DYNC1LI2: variants seen among roughly 807,000 people sequenced by gnomAD.
DYNC1LI2 encodes cytoplasmic dynein 1 light intermediate chain 2.
In DYNC1LI2, 19 loss-of-function variants were observed where a neutral mutation model predicts 57.8. That is an observed-to-expected ratio of 0.33 (90% CI 0.23 to 0.48). The LOEUF is 0.48. Among genes scored for constraint, DYNC1LI2 ranks in the 20% least tolerant of loss-of-function variants. DYNC1LI2 has a pLI of 0.99. For synonymous variants in DYNC1LI2, 256 were observed against 233.4 expected, an observed-to-expected ratio of 1.10 and a Z score of -0.88; for missense variants, 470 against 604.2, an observed-to-expected ratio of 0.78 and a Z score of 2.33.
intron 5 of DYNC1LI2, 72 bp downstream of exon 5, chr16:66,736,003 G>T: frequency 6.5e-7 from 1 of 1,535,258 alleles, no homozygotes; most frequent in African/African-American, 1.4e-5. Context: ...AACGTCAACA[G>T]TTTCTCAAAC....
At position 66,732,326 on chromosome 16, in the gene DYNC1LI2, CA is replaced by C; in HGVS notation, c.929+12del. On this transcript the variant is annotated intron_variant, in intron 7 of 12. Coordinates refer to ENST00000258198, the MANE Select transcript of DYNC1LI2 (RefSeq NM_006141.3). Reference sequence around the variant, plus strand: ...AAAGAAGAGTTTCAAAGCATCAGCTCAAAATAACTCACATAAAAACGGCATC... The same window carrying C: ...AAAGAAGAGTTTCAAAGCATCAGCTCAAATAACTCACATAAAAACGGCATC... 6.2e-7 allele frequency: 1 copy of C among 1,607,800 alleles called. No individual in the cohort carries two copies. Among genetic ancestry groups the C allele is most frequent in the Non-Finnish European group, 8.5e-7 (1 of 1,178,378 alleles).
At chr16:66,723,909 C>T in intron 12 of DYNC1LI2, 87 bp from the exon 13 acceptor site, 1 of 1,048,408 alleles carries the variant, frequency 9.5e-7, no homozygotes, top group Non-Finnish European at 1.4e-6. Context: ...AATTATACGC[C>T]TTCTATAATC....
chr16:66,733,931 G>GT lies in DYNC1LI2; in HGVS notation c.793+286dup, dbSNP rs559592283. ...AATCCCAGCACTTTCGGAGGCTGAG[G>GT]TAGGTGATCACTTGAGGTCAGGAAT... On this transcript the variant is annotated intron_variant, in intron 6 of 12. Coordinates refer to ENST00000258198, the MANE Select transcript of DYNC1LI2 (RefSeq NM_006141.3). 766 of 354,786 alleles carry GT rather than the reference G, an allele frequency of 2.2e-3. 2 individuals carry two copies. The highest frequency in any genetic ancestry group is 3.3e-3 in the Non-Finnish European group (630 of 191,664). The allele number at this position is 354,786 out of a possible 1,614,324, so 22.0% of individuals were successfully genotyped here.
intron 4 of DYNC1LI2, chr16:66,738,241 C>CTTTTTTTTTTTTTT (rs578021508): frequency 4.2e-5 from 4 of 94,444 alleles, no homozygotes; most frequent in Non-Finnish European, 7.8e-5. Flanking sequence ...TCTACAGCTT[C>CTTTTTTTTTTTTTT]TTTTTTTTTT....
At chr16:66,741,109 A>T (rs1191309289) in intron 4 of DYNC1LI2, among the ~76,000 whole-genome samples, 1 of 152,188 alleles carries the variant, frequency 6.6e-6, no homozygotes, top group Non-Finnish European at 1.5e-5. Flanking sequence ...CTATCTGGGA[A>T]AAAACAATAT....
chr16:66,723,743 A>G lies in DYNC1LI2; in HGVS notation c.1458T>C (p.Ser486=), dbSNP rs200134239. 1.2e-6 allele frequency: 2 copies of G among 1,606,130 alleles called. No individual in the cohort carries two copies. Among genetic ancestry groups the G allele is most frequent in the East Asian group, 2.2e-5 (1 of 44,852 alleles). Residue 486 remains serine, a synonymous_variant, in exon 13 of 13, where the codon TCT becomes TCC. Transcript: ENST00000258198. ...TRKPDSMVTN[S]STENEA is the part of the protein sequence containing the mutation. ...AGGTTCAGGCTTCATTTTCTGTTGA[A>G]GAGTTTGTTACCATAGAGTCTGGCT... is the stretch of plus-strand genomic sequence containing the variant.
At chr16:66,725,158 G>T (rs1178708347) in intron 12 of DYNC1LI2, among the ~76,000 whole-genome samples, 1 of 135,716 alleles carries the variant, frequency 7.4e-6, no homozygotes, top group Admixed American at 8.0e-5. Flanking sequence ...CTGGGCGACA[G>T]AGCAAGACTC....
At chr16:66,741,430 C>A (rs2144997541) in intron 4 of DYNC1LI2, among the ~76,000 whole-genome samples, 1 of 152,272 alleles carries the variant, frequency 6.6e-6, no homozygotes, top group South Asian at 2.1e-4. Flanking sequence ...GCACAACAAA[C>A]CGAAGAATAC....
At chr16:66,742,121 CAG>C (rs2017850500) in intron 4 of DYNC1LI2, among the ~76,000 whole-genome samples, 1 of 152,070 alleles carries the variant, frequency 6.6e-6, no homozygotes, top group South Asian at 2.1e-4. Flanking sequence ...ACTCAGCAGA[CAG>C]AGAGTAACAG....
chr16:66,735,506 TTTTTTA>T (rs2017718081), intron 5 of DYNC1LI2, among the ~76,000 whole-genome samples: 2 of 152,134 alleles, frequency 1.3e-5, no homozygotes, highest in Non-Finnish European at 2.9e-5. Context: ...GAGTTCTTTT[TTTTTTA>T]TTTTTATTTT....
At chr16:66,734,083 A>G in intron 6 of DYNC1LI2, 135 bp downstream of exon 6, 1 of 701,650 alleles carries the variant, frequency 1.4e-6, no homozygotes, top group East Asian at 2.8e-5. Context: ...TAAAACATAA[A>G]CCTAGTAAAA....
In DYNC1LI2 at chr16:66,734,230, A is replaced by G; in HGVS notation, c.781T>C (p.Phe261Leu). 1 of 1,614,060 alleles carries G rather than the reference A, an allele frequency of 6.2e-7. No homozygotes were observed. The highest frequency in any genetic ancestry group is 8.5e-7 in the Non-Finnish European group (1 of 1,180,002). The change falls in exon 6 of 13, where the codon TTC becomes CTC. Residue 261 changes from phenylalanine to leucine, a missense_variant. Coordinates refer to ENST00000258198, the MANE Select transcript of DYNC1LI2 (RefSeq NM_006141.3). ...GCCCAAAGGATACACTGAAGGCAGA[A>G]CCTCCGCAGGTGTGACTGGATAAAG... ...LDFIQSHLRR[F>L]CLQYGAALIY...
At chr16:66,747,327 C>CAG (rs2017954807) in intron 3 of DYNC1LI2, among the ~76,000 whole-genome samples, 1 of 152,106 alleles carries the variant, frequency 6.6e-6, no homozygotes, top group Non-Finnish European at 1.5e-5. Flanking sequence ...CTGCCTGCCT[C>CAG]AGACTCCCAA....
intron 4 of DYNC1LI2, among the ~76,000 whole-genome samples, chr16:66,740,243 G>A (rs1290035130): frequency 1.3e-5 from 2 of 152,088 alleles, no homozygotes; most frequent in Non-Finnish European, 2.9e-5. Flanking sequence ...GAGACTGGCC[G>A]GCCATGGAGC....
chr16:66,745,920 T>A (rs1011746027), intron 3 of DYNC1LI2, among the ~76,000 whole-genome samples: 1 of 150,736 alleles, frequency 6.6e-6, no homozygotes, highest in Admixed American at 6.6e-5. Context: ...AGAAAAAAAA[T>A]AAAACAAAAC....
At chr16:66,739,174 A>G (rs2017792836) in intron 4 of DYNC1LI2, 1 of 152,236 alleles carries the variant, frequency 6.6e-6, no homozygotes, top group Non-Finnish European at 1.5e-5. Flanking sequence ...AGGGCTTCCC[A>G]GACAGTGAGA....
intron 12 of DYNC1LI2, 30 bp downstream of exon 12, chr16:66,725,798 G>C: frequency 6.2e-7 from 1 of 1,603,540 alleles, no homozygotes. Flanking sequence ...TCAACCACAA[G>C]AGTCACAAGT....
rs902107693 is a variant in DYNC1LI2 at position 66,721,332 on chromosome 16, ATTTT to A, written c.*2386_*2389del. 6.7e-6 allele frequency: 1 copy of A among 148,482 alleles called. No homozygotes were observed. The highest frequency in any genetic ancestry group is 6.8e-5 in the Admixed American group (1 of 14,802). The allele number at this position is 148,482 out of a possible 1,614,324, so 9.2% of individuals were successfully genotyped here. A position where few individuals can be genotyped will look rare whatever the true frequency, so the allele number is the denominator to read the frequency against. ...GTATTCAAAGGTGGGCTTTTCTCTG[ATTTT>A]TTTTTTTATTTTAAAGACAAAAAGC... On this transcript the variant is annotated 3_prime_UTR_variant, in exon 13 of 13. Coordinates refer to ENST00000258198, the MANE Select transcript of DYNC1LI2 (RefSeq NM_006141.3).
At chr16:66,748,277 C>CAAAAA (rs36186799) in intron 3 of DYNC1LI2, among the ~76,000 whole-genome samples, 1 of 66,054 alleles carries the variant, frequency 1.5e-5, no homozygotes, top group Non-Finnish European at 2.9e-5. Context: ...AACCCTGTCT[C>CAAAAA]AAAAAAAAAA....
Sources: allele counts gnomAD v4.1 joint callset (sites outside exome capture counted in the v4.1 genomes callset), GRCh38; gene constraint gnomAD v4.1.1; transcripts MANE v1.5; gene names NCBI Gene and HGNC (gene_info 2026-07-23, HGNC 2026-07-21).